Variants in TMBIM4 observed in about 807,000 individuals in gnomAD.
TMBIM4 encodes transmembrane BAX inhibitor motif containing 4, also known as protein lifeguard 4.
Under a neutral mutation model 27.7 loss-of-function variants are expected in TMBIM4, and 28 were observed. The ratio of observed to expected loss-of-function variants is 1.01; its 90% CI spans 0.75 to 1.38. The LOEUF (loss-of-function observed/expected upper bound fraction) is 1.38. Ranked by LOEUF, TMBIM4 falls within the 40% of genes most tolerant of loss-of-function variation. The pLI, the probability that TMBIM4 is intolerant of heterozygous loss-of-function variation, is 0.00. For synonymous variants in TMBIM4, 115 were observed against 113.1 expected (o/e 1.02, Z -0.11); for missense variants, 265 against 277.5 (o/e 0.95, Z 0.32).
chr12:66,140,910 G>A (rs2051657581), intron 5 of TMBIM4, among the ~76,000 whole-genome samples: 1 of 151,948 alleles, frequency 6.6e-6, no homozygotes, highest in Non-Finnish European at 1.5e-5. Flanking sequence ...ATATACAGAG[G>A]AATAAATATA....
chr12:66,138,821 T>G, intron 5 of TMBIM4, 52 bp from the exon 6 acceptor site: 1 of 1,428,196 alleles, frequency 7.0e-7, no homozygotes, highest in Non-Finnish European at 9.2e-7. Context: ...ACAAAAAAAC[T>G]TTGTAAACCC....
Position 66,145,888 on chromosome 12 carries a change from A to G in TMBIM4, c.417T>C (p.Thr139=), listed in dbSNP as rs375204456. The G allele has an allele frequency of 1.2e-6, 2 of 1,609,452 alleles. No individual in the cohort carries two copies. Among genetic ancestry groups the G allele is most frequent in the Non-Finnish European group, 8.5e-7 (1 of 1,176,386 alleles). The part of the protein sequence containing the change: ...ILTTTVFFGL[T]VYTLQSKKDF... ...CCTTCTTAGATTGTAGAGTATACAC[A>G]GTCAAACCAAAAAATACTGTAGTAG... The change falls in exon 5 of 7, where the codon ACT becomes ACC. Residue 139 remains threonine (T), a synonymous_variant. Transcript: ENST00000358230.
intron 5 of TMBIM4, among the ~76,000 whole-genome samples, chr12:66,139,453 C>T (rs1410607823): frequency 1.3e-5 from 2 of 152,166 alleles, no homozygotes; most frequent in African/African-American, 4.8e-5. Context: ...TTCTTGGACA[C>T]TGGACAGCAA....
In TMBIM4 at chr12:66,136,085, A is replaced by AAAG. The variant is rs1213919386; in HGVS notation, c.*1874_*1875insCTT. ...AAAAAATAAATTAAAAAAAAAAAAA[A>AAAG]AAAAAAAAAAAGAAAATGGTATTAA... On this transcript the variant is annotated 3_prime_UTR_variant, in exon 7 of 7. Coordinates refer to ENST00000358230, the MANE Select transcript of TMBIM4 (RefSeq NM_016056.4). The AAAG allele has an allele frequency of 2.7e-5, 1 of 36,396 alleles. No homozygotes were observed. Among genetic ancestry groups the AAAG allele is most frequent in the Non-Finnish European group, 4.8e-5 (1 of 20,942 alleles). 2.3% of individuals were successfully genotyped at this position (36,396 alleles called of 1,614,324 possible). A position where few individuals can be genotyped will look rare whatever the true frequency, so the allele number is the denominator to read the frequency against.
At chr12:66,169,197 T>C (rs746771402) in intron 1 of TMBIM4, 5 of 687,728 alleles carry the variant, frequency 7.3e-6, no homozygotes, top group Non-Finnish European at 1.3e-5. Context: ...GAGCAGGCAA[T>C]GGCTTCCACG....
Position 66,147,957 on chromosome 12 carries a change from T to G in TMBIM4, c.313-16A>C, listed in dbSNP as rs2051779119. On this transcript the variant is annotated splice_polypyrimidine_tract_variant and intron_variant, in intron 3 of 6. Transcript: ENST00000358230. ...CCAACAGCGTCTAATGAAAAGAAAC[T>G]TAAATTAGTGACTGTAAAATTTATA... The G allele has an allele frequency of 6.2e-7, 1 of 1,608,714 alleles. No individual in the cohort carries two copies. The highest frequency in any genetic ancestry group is 1.3e-5 in the African/African-American group (1 of 74,920).
Position 66,136,394 on chromosome 12 carries a change from A to G in TMBIM4, c.*1566T>C, listed in dbSNP as rs2051581502. 1 of 154,224 alleles carries G rather than the reference A, an allele frequency of 6.5e-6. No homozygotes were observed. The allele number at this position is 154,224 out of a possible 1,614,324, so 9.6% of individuals were successfully genotyped here. On this transcript the variant is annotated 3_prime_UTR_variant, in exon 7 of 7. Coordinates refer to ENST00000358230, the MANE Select transcript of TMBIM4 (RefSeq NM_016056.4). ...TGATAATAAAGTCAAATTTACATCT[A>G]CAAATCATGCAAGCTTAAATTGATA...
chr12:66,138,358 G>C (rs1166158563), intron 6 of TMBIM4, 192 bp from the exon 7 acceptor site: 9 of 793,668 alleles, frequency 1.1e-5, no homozygotes, highest in Non-Finnish European at 9.2e-6. Flanking sequence ...GGATGAATGA[G>C]TGGTTATATT....
rs74097899 is a variant in TMBIM4, at chr12:66,154,194, C to T, written c.98-746G>A. On this transcript the variant is annotated intron_variant, in intron 1 of 6. Transcript: ENST00000358230. ...TGATATCCCTCTCCCTTCACACTTC[C>T]GGCTAACTACAAATCATCTTTCAAG... 9.1e-3 allele frequency among the ~76,000 whole-genome samples: 1,389 copies of T among 152,252 alleles called. 15 individuals carry two copies. Among genetic ancestry groups the T allele is most frequent in the African/African-American group, 0.031 (1,301 of 41,520 alleles).
At chr12:66,149,038 G>C (rs2051798100) in intron 3 of TMBIM4, among the ~76,000 whole-genome samples, 1 of 152,140 alleles carries the variant, frequency 6.6e-6, no homozygotes, top group African/African-American at 2.4e-5. Context: ...ATCAGCACCA[G>C]AGCAAAAATG....
At chr12:66,154,441 G>A (rs558616602) in intron 1 of TMBIM4, among the ~76,000 whole-genome samples, 29 of 152,248 alleles carry the variant, frequency 1.9e-4, no homozygotes, top group East Asian at 5.8e-4. Flanking sequence ...ATAAACAGTC[G>A]TTAAATTTTA....
intron 5 of TMBIM4, among the ~76,000 whole-genome samples, chr12:66,140,043 T>C (rs1409183798): frequency 6.6e-6 from 1 of 152,102 alleles, no homozygotes; most frequent in Admixed American, 6.6e-5. Context: ...CAAATATATT[T>C]AAAGTTAATA....
At chr12:66,165,127 C>T (rs2052103812) in intron 1 of TMBIM4, among the ~76,000 whole-genome samples, 1 of 152,106 alleles carries the variant, frequency 6.6e-6, no homozygotes, top group African/African-American at 2.4e-5. Flanking sequence ...GTTCATACTA[C>T]CCAAAGTAAC....
At chr12:66,166,776 G>A (rs996144355) in intron 1 of TMBIM4, among the ~76,000 whole-genome samples, 2 of 152,242 alleles carry the variant, frequency 1.3e-5, no homozygotes, top group Admixed American at 6.5e-5. Flanking sequence ...TATACAACAC[G>A]GCAATTGTGC....
At chr12:66,155,654 G>A (rs1413629886) in intron 1 of TMBIM4, among the ~76,000 whole-genome samples, 1 of 151,842 alleles carries the variant, frequency 6.6e-6, no homozygotes, top group African/African-American at 2.4e-5. Flanking sequence ...CTTTACTTTT[G>A]ATACCCTATT....
chr12:66,169,345 T>C lies in TMBIM4; in HGVS notation c.97+510A>G, dbSNP rs755854217. ...CAATAATCCTCAAAGACCTGTTGCA[T>C]TCTGGGCCCTGCGGAGAGGAAATAG... On this transcript the variant is annotated intron_variant, in intron 1 of 6. Coordinates refer to ENST00000358230, the MANE Select transcript of TMBIM4 (RefSeq NM_016056.4). 4.4e-6 allele frequency: 3 copies of C among 678,416 alleles called. No homozygotes were observed. The South Asian group carries it at 4.7e-5, about 11-fold the overall frequency. The allele number at this position is 678,416 out of a possible 1,614,324, so 42.0% of individuals were successfully genotyped here.
At chr12:66,143,371 C>T (rs1045115241) in intron 5 of TMBIM4, among the ~76,000 whole-genome samples, 1 of 152,136 alleles carries the variant, frequency 6.6e-6, no homozygotes, top group Non-Finnish European at 1.5e-5. Context: ...TAAAAAATAA[C>T]TTACAAACAG....
chr12:66,160,336 A>G, intron 1 of TMBIM4: 1 of 660,338 alleles, frequency 1.5e-6, no homozygotes, highest in South Asian at 1.6e-5. Flanking sequence ...TAAAATGCAC[A>G]TACTCTTTTG....
At chr12:66,163,364 C>G (rs772008188) in intron 1 of TMBIM4, among the ~76,000 whole-genome samples, 1 of 152,122 alleles carries the variant, frequency 6.6e-6, no homozygotes, top group Non-Finnish European at 1.5e-5. Flanking sequence ...CATTCTCACA[C>G]TACTATAAAG....
Sources: gnomAD v4.1 joint callset for allele counts (sites outside exome capture counted in the v4.1 genomes callset) on GRCh38, gnomAD v4.1.1 for gene constraint, MANE v1.5 for transcripts, NCBI Gene and HGNC (gene_info 2026-07-23, HGNC 2026-07-21) for gene names.